GRK1: variants seen among roughly 807,000 people sequenced by gnomAD.
GRK1 encodes G protein-coupled receptor kinase 1, also known as rhodopsin kinase GRK1.
A neutral mutation model predicts 41.7 loss-of-function variants in GRK1; 28 were observed. The observed-to-expected ratio is 0.67, with a 90% confidence interval of 0.50 to 0.92. The LOEUF (loss-of-function observed/expected upper bound fraction) is 0.92. GRK1 is among the 40% of genes least tolerant of loss of function. GRK1 has a pLI of 0.00. For missense variants in GRK1, 703 were observed against 671.2 expected, an observed-to-expected ratio of 1.05 and a Z score of -0.52; for synonymous variants, 327 against 286.7, an observed-to-expected ratio of 1.14 and a Z score of -1.42.
rs2140741792 is a variant in GRK1, at chr13:113,736,274, C to G, written c.*911C>G. 1 of 152,432 alleles carries G rather than the reference C, an allele frequency of 6.6e-6. No individual in the cohort carries two copies. The highest frequency in any genetic ancestry group is 2.1e-4 in the South Asian group (1 of 4,828). 9.4% of individuals were successfully genotyped at this position (152,432 alleles called of 1,614,324 possible). ...CCTCCCCACTGGGGCTGGTCCGTCTCATCTCCCAGGGGACACTTCAGGCCA... is the reference window on the plus strand; with the variant it reads ...CCTCCCCACTGGGGCTGGTCCGTCTGATCTCCCAGGGGACACTTCAGGCCA... On this transcript the variant is annotated 3_prime_UTR_variant, in exon 7 of 7. Transcript: ENST00000335678.
intron 4 of GRK1, among the ~76,000 whole-genome samples, chr13:113,730,589 G>A (rs545851034): frequency 2.8e-4 from 42 of 151,322 alleles, no homozygotes; most frequent in South Asian, 4.2e-4. Context: ...CTGAGTCCCC[G>A]TGGCTGCGCC....
At chr13:113,664,363 G>T (rs1024992249), upstream of GRK1, among the ~76,000 whole-genome samples, 1 of 152,144 alleles carries the variant, frequency 6.6e-6, no homozygotes, top group Admixed American at 6.5e-5. This position sits in a 1 kb window ranked among gnomAD's most constrained non-coding sequence, Gnocchi z 5.4. Flanking sequence ...AGGGTACACA[G>T]GATCTCTCTG....
At chr13:113,734,854 C>T (rs2049991096) in intron 6 of GRK1, 2 of 431,580 alleles carry the variant, frequency 4.6e-6, no homozygotes, top group African/African-American at 4.1e-5. Flanking sequence ...CTTCTTCCGG[C>T]CCCACTCAAG....
the GRK1 span, among the ~76,000 whole-genome samples, chr13:113,660,478 G>C: frequency 3.9e-5 from 6 of 152,222 alleles, no homozygotes; most frequent in African/African-American, 1.4e-4. Context: ...GTCAGAGAAA[G>C]CCAGTAAAAA....
At position 113,669,152 on chromosome 13, in the gene GRK1, G is replaced by T. The variant is rs115954778; in HGVS notation, c.700-535G>T. ...TGACATCAACTGAACACCTCCCCAT[G>T]TAAGTGCAGAAAGGGGCCTCCGACA... is the stretch of plus-strand genomic sequence containing the variant. On this transcript the variant is annotated intron_variant, in intron 1 of 6. Coordinates refer to ENST00000335678, the MANE Select transcript of GRK1 (RefSeq NM_002929.3). 6.9e-3 allele frequency among the ~76,000 whole-genome samples: 1,053 copies of T among 152,306 alleles called. 13 individuals are homozygous for T. Among genetic ancestry groups the T allele is most frequent in the African/African-American group, 0.024 (979 of 41,550 alleles).
At chr13:113,649,649 TG>T in the GRK1 span, 1 of 1,248,290 alleles carries the variant, frequency 8.0e-7, no homozygotes, top group Non-Finnish European at 1.1e-6. The surrounding 1 kb of genome is among the most constrained non-coding windows in gnomAD (Gnocchi z 4.7). Flanking sequence ...AGCTCTTTTG[TG>T]TAAGACTGGC....
At chr13:113,662,369 G>C (rs2049795689), upstream of GRK1, among the ~76,000 whole-genome samples, 1 of 152,212 alleles carries the variant, frequency 6.6e-6, no homozygotes, top group Admixed American at 6.5e-5. Context: ...GCCCAATGGT[G>C]AAAGATGAAA....
chr13:113,652,413 C>G, the GRK1 span, among the ~76,000 whole-genome samples: 1 of 152,242 alleles, frequency 6.6e-6, no homozygotes, highest in South Asian at 2.1e-4. Context: ...TGGCCCCAAG[C>G]CCTCTGCTTG....
At chr13:113,733,800 TATCTGTGTGCATAC>T (rs1166245776) in intron 6 of GRK1, among the ~76,000 whole-genome samples, 3 of 139,466 alleles carry the variant, frequency 2.2e-5, no homozygotes, top group Non-Finnish European at 4.7e-5. Context: ...TGTGTATGTG[TATCTGTGTGCATAC>T]GTGTGTGCGT....
chr13:113,648,709 G>C, the GRK1 span: 1 of 152,298 alleles, frequency 6.6e-6, no homozygotes, highest in African/African-American at 2.4e-5. Context: ...CCCACTGTTT[G>C]CCTCCCGGAG....
At chr13:113,662,146 A>G in the GRK1 span, among the ~76,000 whole-genome samples, 1 of 152,272 alleles carries the variant, frequency 6.6e-6, no homozygotes, top group Non-Finnish European at 1.5e-5. Context: ...TATTCCAGGA[A>G]TGCAAGGCTG....
intron 4 of GRK1, among the ~76,000 whole-genome samples, chr13:113,729,963 G>A (rs372778009): frequency 5.5e-5 from 7 of 128,130 alleles, no homozygotes; most frequent in Non-Finnish European, 6.5e-5. Flanking sequence ...GCCCAAACCC[G>A]CCCCTCCATC....
chr13:113,670,969 T>G (rs561763561), intron 2 of GRK1, among the ~76,000 whole-genome samples: 1 of 152,128 alleles, frequency 6.6e-6, no homozygotes, highest in South Asian at 2.1e-4. Context: ...CTGTTTCCTG[T>G]GACGATACTC....
chr13:113,732,878 C>T lies in GRK1; in HGVS notation c.1195-6C>T, dbSNP rs556698860. ...GGCAGGGCTAAGGCTACGCGTGTCC[C>T]CACAGGTGGAGAACAAGGAGCTGAA... On this transcript the variant is annotated splice_polypyrimidine_tract_variant and splice_region_variant and intron_variant, in intron 5 of 6. Coordinates refer to ENST00000335678, the MANE Select transcript of GRK1 (RefSeq NM_002929.3). 3.3e-6 allele frequency: 5 copies of T among 1,536,256 alleles called. No homozygotes were observed. The highest frequency in any genetic ancestry group is 1.4e-5 in the African/African-American group (1 of 73,032).
upstream of GRK1, among the ~76,000 whole-genome samples, chr13:113,666,151 G>GCCCCAGGTGTGCCCCCGCT: frequency 7.9e-6 from 1 of 126,812 alleles, no homozygotes; most frequent in Admixed American, 7.7e-5. Flanking sequence ...GTCTCAGGTG[G>GCCCCAGGTGTGCCCCCGCT]GTCCCAAGTG....
intron 4 of GRK1, among the ~76,000 whole-genome samples, chr13:113,728,845 C>T (rs1279842445): frequency 1.3e-5 from 2 of 152,172 alleles, no homozygotes; most frequent in African/African-American, 4.8e-5. Context: ...GGGGAGGGCA[C>T]AGCCCGGCTG....
At chr13:113,733,794 T>TGTGTGCATACGTGTGTGCATGTGTGTGC (rs1491394717) in intron 6 of GRK1, among the ~76,000 whole-genome samples, 1 of 110,898 alleles carries the variant, frequency 9.0e-6, no homozygotes, top group African/African-American at 3.8e-5. Context: ...TGCATGTGTG[T>TGTGTGCATACGTGTGTGCATGTGTGTGC]ATGTGTATCT....
the GRK1 span, among the ~76,000 whole-genome samples, chr13:113,654,039 C>T: frequency 6.6e-6 from 1 of 152,220 alleles, no homozygotes; most frequent in African/African-American, 2.4e-5. Flanking sequence ...CACACACTTC[C>T]ACTTCCCGTG....
At position 113,733,089 on chromosome 13, in the gene GRK1, C is replaced by T. The variant is rs1282145374; in HGVS notation, c.1396+4C>T. ...AACTGGAGGCAGCTGGAGGCTGGTA[C>T]TGTTGGACGCCTCAGCCCCGGAGAG... On this transcript the variant is annotated splice_donor_region_variant and intron_variant, in intron 6 of 6. Coordinates refer to ENST00000335678, the MANE Select transcript of GRK1 (RefSeq NM_002929.3). 6.5e-7 allele frequency: 1 copy of T among 1,534,626 alleles called. No homozygotes were observed. The highest frequency in any genetic ancestry group is 2.0e-5 in the Admixed American group (1 of 50,938).
Sources: allele counts gnomAD v4.1 joint callset (sites outside exome capture counted in the v4.1 genomes callset), GRCh38; gene constraint gnomAD v4.1.1; non-coding constraint Gnocchi (gnomAD v3.1); transcripts MANE v1.5; gene names NCBI Gene and HGNC (gene_info 2026-07-23, HGNC 2026-07-21).